RBPJ: variants seen among roughly 807,000 people sequenced by gnomAD.
RBPJ encodes recombining binding protein suppressor of hairless.
A neutral mutation model predicts 67.8 loss-of-function variants in RBPJ; 9 were observed. The ratio of observed to expected loss-of-function variants is 0.13; its 90% CI spans 0.08 to 0.23. The LOEUF (loss-of-function observed/expected upper bound fraction) is 0.23. Ranked by LOEUF, RBPJ falls within the 10% of genes least tolerant of loss-of-function variation. The pLI is 1.00. For missense variants in RBPJ, 305 were observed against 595.6 expected, an observed-to-expected ratio of 0.51 and a Z score of 5.08; for synonymous variants, 198 against 203.3, an observed-to-expected ratio of 0.97 and a Z score of 0.22.
intron 1 of RBPJ, among the ~76,000 whole-genome samples, chr4:26,203,519 C>A (rs1718064086): frequency 6.6e-6 from 1 of 152,182 alleles, no homozygotes; most frequent in South Asian, 2.1e-4. Context: ...TGCTGTCTGT[C>A]TTCCTCCCCT....
At chr4:26,364,426 T>C (rs995357512) in intron 1 of RBPJ, among the ~76,000 whole-genome samples, 1 of 152,166 alleles carries the variant, frequency 6.6e-6, no homozygotes, top group African/African-American at 2.4e-5. Flanking sequence ...ACATAATGGT[T>C]TCAGGATAGT....
chr4:26,121,876 T>C, the RBPJ span, among the ~76,000 whole-genome samples: 14 of 45,142 alleles, frequency 3.1e-4, no homozygotes, highest in South Asian at 3.6e-3. Flanking sequence ...TATCTCTCTT[T>C]TTTTTTTTTT....
intron 1 of RBPJ, among the ~76,000 whole-genome samples, chr4:26,203,828 C>A (rs1718073930): frequency 3.9e-5 from 6 of 152,228 alleles, no homozygotes; most frequent in Admixed American, 3.3e-4. Flanking sequence ...TCCATCAGAT[C>A]AACCGGACCA....
At chr4:26,390,576 A>G (rs903611236) in intron 2 of RBPJ, among the ~76,000 whole-genome samples, 3 of 152,222 alleles carry the variant, frequency 2.0e-5, no homozygotes, top group African/African-American at 7.2e-5. Flanking sequence ...ACTAAATTGT[A>G]TTTCTGTATA....
intron 1 of RBPJ, among the ~76,000 whole-genome samples, chr4:26,348,261 G>C (rs1471197279): frequency 6.6e-6 from 1 of 152,048 alleles, no homozygotes; most frequent in African/African-American, 2.4e-5. Context: ...ATCGTGCCCG[G>C]CCTGCTGTTT....
At chr4:26,289,402 A>AAAAAAG (rs1560246235) in intron 1 of RBPJ, among the ~76,000 whole-genome samples, 4 of 145,362 alleles carry the variant, frequency 2.8e-5, no homozygotes, top group African/African-American at 5.4e-5. Flanking sequence ...AAAAAAAAAA[A>AAAAAAG]AAAAAGAAAA....
chr4:26,113,020 T>C, the RBPJ span: 1 of 155,928 alleles, frequency 6.4e-6, no homozygotes, highest in African/African-American at 2.4e-5. Context: ...CCCAAAGTGC[T>C]GGGATTACAA....
chr4:26,421,983 T>G (rs1248626922), intron 5 of RBPJ, among the ~76,000 whole-genome samples: 1 of 152,198 alleles, frequency 6.6e-6, no homozygotes, highest in African/African-American at 2.4e-5. Context: ...TAATAGTTTC[T>G]TCTCACCCTC....
At chr4:26,189,526 C>T (rs559324549) in intron 1 of RBPJ, among the ~76,000 whole-genome samples, 4 of 152,116 alleles carry the variant, frequency 2.6e-5, no homozygotes, top group East Asian at 1.9e-4. Context: ...GATGTGGTGG[C>T]GCACACCTGA....
At chr4:26,234,070 T>G (rs1719375431) in intron 1 of RBPJ, among the ~76,000 whole-genome samples, 1 of 152,194 alleles carries the variant, frequency 6.6e-6, no homozygotes. Context: ...TGTTTTGAAT[T>G]TAGGAGAAGC....
intron 1 of RBPJ, among the ~76,000 whole-genome samples, chr4:26,324,042 A>G (rs1413329319): frequency 6.6e-6 from 1 of 152,110 alleles, no homozygotes; most frequent in African/African-American, 2.4e-5. Context: ...AAGTTACTCT[A>G]CTTCCCCTGG....
intron 1 of RBPJ, among the ~76,000 whole-genome samples, chr4:26,214,970 G>GGAAGGACAGAAGGAA (rs148783469): frequency 5.9e-5 from 1 of 16,988 alleles, no homozygotes; most frequent in Non-Finnish European, 9.5e-5. Flanking sequence ...GAGGGAGGGA[G>GGAAGGACAGAAGGAA]GGAGGGAAGG....
intron 1 of RBPJ, among the ~76,000 whole-genome samples, chr4:26,185,981 G>A (rs548931744): frequency 6.6e-6 from 1 of 152,234 alleles, no homozygotes; most frequent in South Asian, 2.1e-4. Context: ...AGGAAGCAGA[G>A]GTTGCAGTGA....
Position 26,164,301 on chromosome 4 carries a change from A to G in RBPJ, c.-167+687A>G, listed in dbSNP as rs552538092. ...CTATTTATTCACTTATACATTACAT[A>G]TACATTACAATAGTATGTATACTAT... is the stretch of plus-strand genomic sequence containing the variant. On this transcript the variant is annotated intron_variant, in intron 1 of 4. Coordinates refer to the RBPJ transcript ENST00000512351. Among the ~76,000 whole-genome samples, 311 of 152,348 alleles carry G rather than the reference A, an allele frequency of 2.0e-3. 2 individuals are homozygous for G. Among genetic ancestry groups the G allele is most frequent in the African/African-American group, 7.3e-3 (304 of 41,580 alleles).
rs559863156 is a variant in RBPJ, at chr4:26,261,294, T to C, written c.-167+97680T>C. 1.2e-4 allele frequency among the ~76,000 whole-genome samples: 19 copies of C among 152,030 alleles called. 1 individual carries two copies. In the South Asian group the frequency reaches 3.9e-3, roughly 32 times the overall value. ...ATAGGAAGAAAAGAGACTCCTCAGC[T>C]GGAGGGCTGAGATGAATTAATGAAT... On this transcript the variant is annotated intron_variant, in intron 1 of 4. Coordinates refer to the RBPJ transcript ENST00000512351.
At chr4:26,255,306 A>C (rs1720274655) in intron 1 of RBPJ, among the ~76,000 whole-genome samples, 1 of 125,834 alleles carries the variant, frequency 7.9e-6, no homozygotes, top group Non-Finnish European at 1.6e-5. Context: ...CGGGAGGCTG[A>C]GGCAGGAGAA....
At chr4:26,316,827 C>CTTTTTTTTTT (rs56130072), upstream of RBPJ, among the ~76,000 whole-genome samples, 10 of 71,396 alleles carry the variant, frequency 1.4e-4, 5 homozygotes, top group Admixed American at 3.8e-4. Context: ...ACCCAGACGA[C>CTTTTTTTTTT]TTTTTTTTTT....
chr4:26,120,200 C>T, the RBPJ span, among the ~76,000 whole-genome samples: 2 of 152,328 alleles, frequency 1.3e-5, no homozygotes, highest in Admixed American at 1.3e-4. Context: ...AAAGCAACAA[C>T]AAAAGCAAAG....
At chr4:26,237,374 A>G (rs1282422963) in intron 1 of RBPJ, among the ~76,000 whole-genome samples, 1 of 152,180 alleles carries the variant, frequency 6.6e-6, no homozygotes, top group Non-Finnish European at 1.5e-5. Flanking sequence ...TTATGGTCGA[A>G]TAAATTTGAA....
Sources: gnomAD v4.1 joint callset for allele counts (sites outside exome capture counted in the v4.1 genomes callset) on GRCh38, gnomAD v4.1.1 for gene constraint, MANE v1.5 for transcripts, NCBI Gene and HGNC (gene_info 2026-07-23, HGNC 2026-07-21) for gene names.